Variants in TAF4 observed in about 807,000 individuals in gnomAD.
TAF4 encodes the protein transcription initiation factor TFIID subunit 4.
Under a neutral mutation model 90.3 loss-of-function variants are expected in TAF4, and 9 were observed. The observed-to-expected ratio is 0.10, with a 90% CI of 0.06 to 0.17. The LOEUF (loss-of-function observed/expected upper bound fraction) is 0.17, where lower values mean the gene tolerates loss of function less well. Ranked by LOEUF, TAF4 falls within the 10% of genes least tolerant of loss-of-function variation. The pLI, the probability that TAF4 is intolerant of heterozygous loss-of-function variation, is 1.00. For missense variants in TAF4, 1,351 were observed against 1,370.7 expected (o/e 0.99, Z 0.23); for synonymous variants, 818 against 638.9 (o/e 1.28, Z -4.23).
intron 14 of TAF4, among the ~76,000 whole-genome samples, chr20:61,989,340 T>C (rs867675980): frequency 3.3e-5 from 5 of 152,008 alleles, no homozygotes; most frequent in Non-Finnish European, 7.4e-5. Context: ...AAAGTGCACG[T>C]GGCAATAAGG....
rs757425827 is a variant in TAF4, at chr20:62,064,684, C to G, written c.1127G>C (p.Gly376Ala). Residue 376 changes from glycine to alanine, a missense_variant, in exon 1 of 15, where the codon GGG becomes GCG. Coordinates refer to ENST00000252996, the MANE Select transcript of TAF4 (RefSeq NM_003185.4). ...PASTAASMVI[G>A]PTMQGALPSP... ...GGGCAGCGCCCCTTGCATAGTTGGC[C>G]CGATGACCATGCTGGCCGCCGTGCT... 3 of 1,265,212 alleles carry G rather than the reference C, an allele frequency of 2.4e-6. No homozygotes were observed. The highest frequency in any genetic ancestry group is 4.1e-5 in the Admixed American group (1 of 24,324). 78.4% of individuals were successfully genotyped at this position (1,265,212 alleles called of 1,614,324 possible).
intron 4 of TAF4, 137 bp from the exon 5 acceptor site, chr20:62,009,311 C>A: frequency 1.1e-6 from 1 of 921,946 alleles, no homozygotes; most frequent in Non-Finnish European, 1.6e-6. Flanking sequence ...AAACGCACCA[C>A]CTCTTGGAAC....
At position 62,009,949 on chromosome 20, in the gene TAF4, C is replaced by A. The variant is rs965433478; in HGVS notation, c.1761+97G>T. On this transcript the variant is annotated intron_variant, in intron 4 of 14. Coordinates refer to ENST00000252996, the MANE Select transcript of TAF4 (RefSeq NM_003185.4). ...CTTTGTGAAGCAAGCAGTGAGCGGT[C>A]TGGGACAGAAGCCGGCCTGAGGTCT... 8.9e-6 allele frequency: 14 copies of A among 1,577,390 alleles called. No homozygotes were observed. The Admixed American group carries it at 1.0e-4, about 11-fold the overall frequency.
intron 7 of TAF4, 118 bp from the exon 8 acceptor site, chr20:62,003,996 T>G (rs1195288268): frequency 3.1e-6 from 4 of 1,286,790 alleles, no homozygotes; most frequent in Admixed American, 3.1e-5. Flanking sequence ...CAGTAAGAAG[T>G]CCTAGGAAGA....
intron 14 of TAF4, among the ~76,000 whole-genome samples, chr20:61,985,991 T>TCCCCAACCAAAGGAAAC (rs1568922367): frequency 3.0e-5 from 3 of 100,838 alleles, no homozygotes; most frequent in Non-Finnish European, 4.1e-5. Context: ...TCAAAGGAAA[T>TCCCCAACCAAAGGAAAC]ACCATCCCCA....
At chr20:62,001,343 GCTC>G (rs902458574) in intron 9 of TAF4, among the ~76,000 whole-genome samples, 17 of 152,200 alleles carry the variant, frequency 1.1e-4, no homozygotes, top group African/African-American at 2.2e-4. Context: ...GTCTTGTCCG[GCTC>G]CTCAAGCTGG....
intron 14 of TAF4, among the ~76,000 whole-genome samples, chr20:61,984,156 G>A (rs973932658): frequency 3.9e-5 from 6 of 152,152 alleles, no homozygotes; most frequent in Non-Finnish European, 5.9e-5. Flanking sequence ...TCACTGAGGA[G>A]CGGCTCGGGG....
chr20:62,046,568 G>T (rs2055994450), intron 1 of TAF4, among the ~76,000 whole-genome samples: 1 of 152,218 alleles, frequency 6.6e-6, no homozygotes, highest in Admixed American at 6.5e-5. Context: ...TCACCATACG[G>T]ATCTATCACA....
At chr20:62,012,561 A>G (rs916911570) in intron 3 of TAF4, 21 of 378,944 alleles carry the variant, frequency 5.5e-5, no homozygotes, top group Non-Finnish European at 3.6e-5. Flanking sequence ...AACATGGTGG[A>G]AAGCTTGAAC....
intron 1 of TAF4, among the ~76,000 whole-genome samples, chr20:62,059,090 G>T (rs114884464): frequency 6.6e-6 from 1 of 151,920 alleles, no homozygotes. Flanking sequence ...CCTCACACGC[G>T]GTTCCCAACG....
At chr20:62,044,752 T>C (rs1041558168) in intron 1 of TAF4, among the ~76,000 whole-genome samples, 2 of 152,138 alleles carry the variant, frequency 1.3e-5, no homozygotes, top group Non-Finnish European at 2.9e-5. Flanking sequence ...AGGGGGAGAA[T>C]GTGCTGTGTT....
chr20:62,018,623 C>G lies in TAF4; in HGVS notation c.1361-3916G>C, dbSNP rs58458367. Among the ~76,000 whole-genome samples the G allele has an allele frequency of 5.3e-3, 812 of 152,284 alleles. 18 individuals are homozygous for G. Among genetic ancestry groups the G allele is most frequent in the East Asian group, 0.046 (235 of 5,146 alleles). On this transcript the variant is annotated intron_variant, in intron 1 of 14. Coordinates refer to ENST00000252996, the MANE Select transcript of TAF4 (RefSeq NM_003185.4). ...GGGCGGAGGGTTCTGTCTGAGAGCT[C>G]CCCAGAGAGAGCCACGTGGGACACT...
rs1025183173 is a variant in TAF4 at position 61,998,866 on chromosome 20, T to G, written c.2913+117A>C. ...ACTGACAGCACCCATCACCTTTGCT[T>G]CAAGGCCAGCCCAAAACATGCTCTG... On this transcript the variant is annotated intron_variant, in intron 12 of 14. Transcript: ENST00000252996. 215 of 1,410,128 alleles carry G rather than the reference T, an allele frequency of 1.5e-4. 1 individual carries two copies. Among genetic ancestry groups the G allele is most frequent in the Admixed American group, 2.5e-4 (12 of 48,778 alleles). 87.4% of individuals were successfully genotyped at this position (1,410,128 alleles called of 1,614,324 possible). A position where few individuals can be genotyped will look rare whatever the true frequency, so the allele number is the denominator to read the frequency against.
chr20:62,001,817 G>T (rs967580739), intron 9 of TAF4, among the ~76,000 whole-genome samples: 2 of 132,996 alleles, frequency 1.5e-5, no homozygotes, highest in Non-Finnish European at 3.3e-5. Flanking sequence ...CGCTCATCTT[G>T]TATTTCCTTA....
At chr20:62,008,956 G>A in intron 5 of TAF4, 96 bp downstream of exon 5, 3 of 1,477,030 alleles carry the variant, frequency 2.0e-6, no homozygotes, top group South Asian at 1.4e-5. Context: ...CTCCCTGCTG[G>A]CACAGGCCTC....
chr20:62,003,585 A>C (rs2055722229), intron 8 of TAF4, 146 bp downstream of exon 8: 1 of 911,656 alleles, frequency 1.1e-6, no homozygotes, highest in Non-Finnish European at 1.6e-6. Flanking sequence ...AACACAGTAA[A>C]TGAAATCAGT....
chr20:62,013,662 A>G (rs1367098097), intron 2 of TAF4, among the ~76,000 whole-genome samples: 1 of 152,266 alleles, frequency 6.6e-6, no homozygotes, highest in Non-Finnish European at 1.5e-5. Context: ...ATGCTGATCA[A>G]GTCATTCCAG....
intron 1 of TAF4, among the ~76,000 whole-genome samples, chr20:62,042,860 G>T (rs1040665962): frequency 6.6e-6 from 1 of 150,416 alleles, no homozygotes; most frequent in Admixed American, 6.7e-5. Flanking sequence ...TGATATCATA[G>T]GGATGACGGC....
At chr20:61,994,002 C>T (rs1178545221) in intron 14 of TAF4, among the ~76,000 whole-genome samples, 1 of 152,052 alleles carries the variant, frequency 6.6e-6, no homozygotes, top group Non-Finnish European at 1.5e-5. Context: ...CCACCCGCCT[C>T]GGCCTCCCAA....
Sources: gnomAD v4.1 joint callset for allele counts (sites outside exome capture counted in the v4.1 genomes callset) on GRCh38, gnomAD v4.1.1 for gene constraint, MANE v1.5 for transcripts, NCBI Gene and HGNC (gene_info 2026-07-23, HGNC 2026-07-21) for gene names.